ZNG1E: variants seen among roughly 807,000 people sequenced by gnomAD.
ZNG1E encodes the protein zinc-regulated GTPase metalloprotein activator 1E.
chr9:65,725,124 G>T, the ZNG1E span, among the ~76,000 whole-genome samples: 1 of 146,240 alleles, frequency 6.8e-6, no homozygotes, highest in East Asian at 1.9e-4. Flanking sequence ...AGGAGCAACA[G>T]GCTATACAGC....
the ZNG1E span, among the ~76,000 whole-genome samples, chr9:65,673,457 G>C: frequency 2.0e-5 from 3 of 149,864 alleles, no homozygotes; most frequent in Non-Finnish European, 3.0e-5. Flanking sequence ...ATAGATATTT[G>C]TGGTGCATTT....
the ZNG1E span, chr9:65,677,153 A>T: frequency 8.3e-3 from 12,858 of 1,542,168 alleles, 312 homozygotes; most frequent in African/African-American, 0.16. Context: ...TCTACTGAGA[A>T]GATGAACAAA....
the ZNG1E span, among the ~76,000 whole-genome samples, chr9:65,672,533 C>G: frequency 7.3e-5 from 11 of 151,550 alleles, no homozygotes; most frequent in East Asian, 1.6e-3. Flanking sequence ...ATCAGGAGGT[C>G]AGGAGTTCAA....
At chr9:65,704,559 T>G in the ZNG1E span, 1 of 795,402 alleles carries the variant, frequency 1.3e-6, no homozygotes, top group African/African-American at 3.1e-5. Context: ...TCCTGAATCT[T>G]ACATTAAATA....
chr9:65,720,091 A>G, the ZNG1E span: 79 of 1,593,612 alleles, frequency 5.0e-5, 5 homozygotes, highest in African/African-American at 9.0e-4. Flanking sequence ...CACCTTGATC[A>G]GGTAAAGAAA....
At chr9:65,662,086 A>T in the ZNG1E span, among the ~76,000 whole-genome samples, 3 of 152,230 alleles carry the variant, frequency 2.0e-5, no homozygotes, top group Non-Finnish European at 4.4e-5. Flanking sequence ...CATTCTAGTA[A>T]AAGCACAGGT....
At chr9:65,707,101 C>G in the ZNG1E span, 1 of 91,702 alleles carries the variant, frequency 1.1e-5, no homozygotes, top group South Asian at 5.1e-4. Flanking sequence ...ACCACTGCCT[C>G]CTGGGTTCAA....
the ZNG1E span, among the ~76,000 whole-genome samples, chr9:65,724,260 T>C: frequency 6.6e-6 from 1 of 151,492 alleles, no homozygotes; most frequent in Non-Finnish European, 1.5e-5. Context: ...TCTTAATTTT[T>C]AAAGCCTTTT....
At chr9:65,699,989 AG>A in the ZNG1E span, among the ~76,000 whole-genome samples, 1 of 151,454 alleles carries the variant, frequency 6.6e-6, no homozygotes, top group African/African-American at 2.4e-5. Flanking sequence ...AACAGAACTT[AG>A]TAAATACTTT....
the ZNG1E span, among the ~76,000 whole-genome samples, chr9:65,723,906 GAAAA>G: frequency 8.6e-5 from 9 of 104,694 alleles, no homozygotes; most frequent in Admixed American, 9.2e-4. Flanking sequence ...ACAAAAACTG[GAAAA>G]AAAAAGTCTG....
chr9:65,712,643 GT>G, the ZNG1E span, among the ~76,000 whole-genome samples: 1 of 108,764 alleles, frequency 9.2e-6, no homozygotes, highest in Non-Finnish European at 1.9e-5. Context: ...AGGTTGTTCA[GT>G]TTCCATGTAG....
At chr9:65,714,863 C>T in the ZNG1E span, among the ~76,000 whole-genome samples, 1 of 151,986 alleles carries the variant, frequency 6.6e-6, no homozygotes, top group Non-Finnish European at 1.5e-5. Flanking sequence ...GTGTCTGTGC[C>T]CTGCCCCCAG....
the ZNG1E span, among the ~76,000 whole-genome samples, chr9:65,659,300 G>C: frequency 6.6e-6 from 1 of 150,384 alleles, no homozygotes; most frequent in African/African-American, 2.5e-5. Flanking sequence ...TTCAAGACCA[G>C]CCTGACCAAC....
chr9:65,703,583 T>C, the ZNG1E span: 1 of 925,768 alleles, frequency 1.1e-6, no homozygotes, highest in Non-Finnish European at 1.2e-6. Context: ...TTTATTAAGC[T>C]CATTTTTTTT....
chr9:65,714,639 G>A, the ZNG1E span, among the ~76,000 whole-genome samples: 43 of 152,082 alleles, frequency 2.8e-4, no homozygotes, highest in African/African-American at 9.4e-4. Context: ...TGGAGTACCC[G>A]GCCGTGTGAG....
chr9:65,715,383 A>AGACC, the ZNG1E span, among the ~76,000 whole-genome samples: 1 of 150,998 alleles, frequency 6.6e-6, no homozygotes. Flanking sequence ...TGGGAGCTGT[A>AGACC]GACCGGAGCT....
the ZNG1E span, among the ~76,000 whole-genome samples, chr9:65,687,768 T>G: frequency 1.3e-5 from 2 of 148,802 alleles, no homozygotes; most frequent in Admixed American, 1.4e-4. Flanking sequence ...AAAAGTCTGA[T>G]TTTTCTCCCT....
chr9:65,657,984 A>G, the ZNG1E span, among the ~76,000 whole-genome samples: 5 of 152,250 alleles, frequency 3.3e-5, no homozygotes, highest in Non-Finnish European at 7.3e-5. Flanking sequence ...CTGTAATCCA[A>G]GCTACTCGGG....
chr9:65,668,532 T>C, the ZNG1E span, among the ~76,000 whole-genome samples: 1 of 150,824 alleles, frequency 6.6e-6, no homozygotes, highest in Non-Finnish European at 1.5e-5. Flanking sequence ...TATGTGTGTG[T>C]ATATATATTT....
Sources: allele counts gnomAD v4.1 joint callset (sites outside exome capture counted in the v4.1 genomes callset), GRCh38; gene constraint gnomAD v4.1.1; transcripts MANE v1.5; gene names NCBI Gene and HGNC (gene_info 2026-07-23, HGNC 2026-07-21).